The following SPOCK3 variants were observed in gnomAD, a reference collection of about 807,000 sequenced individuals.
SPOCK3 encodes SPARC (osteonectin), cwcv and kazal like domains proteoglycan 3.
In SPOCK3, 30 loss-of-function variants were observed where a neutral mutation model predicts 56.6. That is an observed-to-expected ratio of 0.53 (90% CI 0.40 to 0.72). SPOCK3 has a LOEUF of 0.72. Among genes scored for constraint, SPOCK3 ranks in the 30% least tolerant of loss-of-function variants. SPOCK3 has a pLI of 0.00. For synonymous variants in SPOCK3, 196 were observed against 183.3 expected, an observed-to-expected ratio of 1.07 and a Z score of -0.56; for missense variants, 527 against 530.0, an observed-to-expected ratio of 0.99 and a Z score of 0.06.
rs564005949 is a variant in SPOCK3, at chr4:166,860,429, A to G, written c.589+28701T>C. ...CATGAGGGACACAGCTTTAAAACAAATTTTAAAAAGGAAGCGAGAAAGAGG... is the reference window on the plus strand; with the variant it reads ...CATGAGGGACACAGCTTTAAAACAAGTTTTAAAAAGGAAGCGAGAAAGAGG... On this transcript the variant is annotated intron_variant, in intron 6 of 10. Transcript: ENST00000357545. Among the ~76,000 whole-genome samples, 71 of 152,216 alleles carry G rather than the reference A, an allele frequency of 4.7e-4. 1 individual carries two copies. Among genetic ancestry groups the G allele is most frequent in the Non-Finnish European group, 6.3e-4 (43 of 67,994 alleles).
At chr4:166,855,123 G>C (rs1730517945) in intron 6 of SPOCK3, among the ~76,000 whole-genome samples, 1 of 152,088 alleles carries the variant, frequency 6.6e-6, no homozygotes, top group African/African-American at 2.4e-5. Flanking sequence ...CTGTCAAAGA[G>C]AACAGTGAAA....
intron 3 of SPOCK3, among the ~76,000 whole-genome samples, chr4:167,020,191 T>A (rs34645638): frequency 0.26 from 39,165 of 151,846 alleles, 5,624 homozygotes; most frequent in African/African-American, 0.39. Flanking sequence ...AGGTAGGAGG[T>A]AGTATGAAAA....
chr4:167,006,406 G>C (rs897174794), intron 3 of SPOCK3, among the ~76,000 whole-genome samples: 1 of 151,984 alleles, frequency 6.6e-6, no homozygotes, highest in African/African-American at 2.4e-5. Context: ...AACTTTTGCT[G>C]AAATAATATT....
At chr4:166,952,439 C>T (rs1056098401) in intron 4 of SPOCK3, among the ~76,000 whole-genome samples, 6 of 152,098 alleles carry the variant, frequency 3.9e-5, no homozygotes, top group African/African-American at 1.4e-4. Context: ...AAAGAGGATA[C>T]AAACGAATGG....
intron 4 of SPOCK3, among the ~76,000 whole-genome samples, chr4:166,962,417 T>C (rs570371481): frequency 6.6e-6 from 1 of 152,258 alleles, no homozygotes; most frequent in African/African-American, 2.4e-5. Context: ...CTCTGAGTAC[T>C]GCTATTGTTG....
intron 4 of SPOCK3, among the ~76,000 whole-genome samples, chr4:166,966,150 C>A (rs1164543163): frequency 6.6e-6 from 1 of 151,658 alleles, no homozygotes; most frequent in Non-Finnish European, 1.5e-5. Flanking sequence ...TCCTCCATGT[C>A]TCTTCATAGC....
Position 166,742,046 on chromosome 4 carries a change from C to G in SPOCK3, c.945G>C (p.Gln315His). ...CFQRQQDPPC[Q>H]TELSNIQKRQ... ...GCTTCTGAATATTGCTGAGCTCAGTCTGGCAAGGTGGGTCTGCAATGACAT... is the reference window on the plus strand; with the variant it reads ...GCTTCTGAATATTGCTGAGCTCAGTGTGGCAAGGTGGGTCTGCAATGACAT... Residue 315 changes from glutamine to histidine, a missense_variant, in exon 9 of 11, where the codon CAG becomes CAC. By Grantham distance (24) the Gln-to-His change is conservative. Transcript: ENST00000357545. 1 of 1,612,642 alleles carries G rather than the reference C, an allele frequency of 6.2e-7. No homozygotes were observed. Among genetic ancestry groups the G allele is most frequent in the Non-Finnish European group, 8.5e-7 (1 of 1,178,900 alleles).
At chr4:167,079,728 C>T (rs1201007551) in intron 2 of SPOCK3, among the ~76,000 whole-genome samples, 6 of 151,916 alleles carry the variant, frequency 3.9e-5, no homozygotes, top group Non-Finnish European at 7.4e-5. Context: ...AAAGCAAATT[C>T]GATATCAAAC....
At chr4:167,199,202 T>C (rs1177897939) in intron 2 of SPOCK3, among the ~76,000 whole-genome samples, 1 of 151,314 alleles carries the variant, frequency 6.6e-6, no homozygotes, top group African/African-American at 2.4e-5. Flanking sequence ...TTAGTTATGA[T>C]CCTCAATATG....
chr4:166,747,405 G>C (rs1250096554), intron 8 of SPOCK3, among the ~76,000 whole-genome samples: 1 of 152,134 alleles, frequency 6.6e-6, no homozygotes, highest in Non-Finnish European at 1.5e-5. Flanking sequence ...CTCAATAGTT[G>C]CAGAAAAGGC....
chr4:167,150,624 G>T (rs1012693128), intron 2 of SPOCK3, among the ~76,000 whole-genome samples: 3 of 152,154 alleles, frequency 2.0e-5, no homozygotes, highest in Admixed American at 1.3e-4. Flanking sequence ...ACTTATGATT[G>T]TGATAAATCA....
At chr4:166,814,194 A>G (rs1277160528) in intron 6 of SPOCK3, among the ~76,000 whole-genome samples, 3 of 152,114 alleles carry the variant, frequency 2.0e-5, no homozygotes, top group Non-Finnish European at 4.4e-5. Context: ...AGTTTCAGTG[A>G]GAAATCGTTA....
chr4:167,056,065 G>C (rs1269500230), intron 3 of SPOCK3, among the ~76,000 whole-genome samples: 1 of 152,186 alleles, frequency 6.6e-6, no homozygotes. Flanking sequence ...AGTAGGGGCA[G>C]ACTGACACCT....
intron 2 of SPOCK3, among the ~76,000 whole-genome samples, chr4:167,125,423 A>G (rs1387471080): frequency 6.7e-6 from 1 of 149,968 alleles, no homozygotes; most frequent in African/African-American, 2.4e-5. Context: ...AAAAAAAAAA[A>G]ACACCCCCGG....
chr4:166,797,795 A>G (rs1401560029), intron 6 of SPOCK3, among the ~76,000 whole-genome samples: 1 of 152,218 alleles, frequency 6.6e-6, no homozygotes, highest in Non-Finnish European at 1.5e-5. Flanking sequence ...TTTATTGTGT[A>G]TATCTGCTAT....
chr4:167,116,078 C>A (rs1474488022), intron 2 of SPOCK3, among the ~76,000 whole-genome samples: 2 of 151,734 alleles, frequency 1.3e-5, no homozygotes, highest in Non-Finnish European at 2.9e-5. Flanking sequence ...AATATTAAGG[C>A]TTTAATAACA....
chr4:167,081,431 T>C (rs914511614), intron 2 of SPOCK3, among the ~76,000 whole-genome samples: 1 of 152,024 alleles, frequency 6.6e-6, no homozygotes, highest in Non-Finnish European at 1.5e-5. Flanking sequence ...GTTAACATTG[T>C]AGAGAGTCAA....
intron 4 of SPOCK3, among the ~76,000 whole-genome samples, chr4:166,957,415 T>C (rs1239963089): frequency 6.6e-6 from 1 of 152,218 alleles, no homozygotes; most frequent in Non-Finnish European, 1.5e-5. Context: ...CCTTTAGTAA[T>C]AATACATCAG....
intron 5 of SPOCK3, among the ~76,000 whole-genome samples, chr4:166,909,995 A>G (rs1297124853): frequency 6.6e-6 from 1 of 151,964 alleles, no homozygotes. Flanking sequence ...ATGAGGGGGG[A>G]ACAAAAAAAC....
Sources: allele counts gnomAD v4.1 joint callset (sites outside exome capture counted in the v4.1 genomes callset), GRCh38; gene constraint gnomAD v4.1.1; transcripts MANE v1.5; gene names NCBI Gene and HGNC (gene_info 2026-07-23, HGNC 2026-07-21).